Variants in USP15 observed in about 807,000 individuals in gnomAD.
The protein encoded by USP15 is ubiquitin specific peptidase 15, also known as ubiquitin carboxyl-terminal hydrolase 15.
USP15 carries 18 observed loss-of-function variants against 127.1 expected under a neutral mutation model. The observed-to-expected ratio is 0.14, with a 90% CI of 0.10 to 0.21. USP15 has a LOEUF of 0.21. Ranked by LOEUF, USP15 falls within the 10% of genes least tolerant of loss-of-function variation. USP15 has a pLI of 1.00. For missense variants in USP15, 805 were observed against 1,159.9 expected (o/e 0.69, Z 4.44); for synonymous variants, 364 against 393.7 (o/e 0.92, Z 0.89).
At chr12:62,317,765 C>T (rs1383227857) in intron 4 of USP15, among the ~76,000 whole-genome samples, 3 of 152,146 alleles carry the variant, frequency 2.0e-5, no homozygotes, top group Non-Finnish European at 4.4e-5. Context: ...ACTACCTACA[C>T]TGATATATAG....
intron 1 of USP15, among the ~76,000 whole-genome samples, chr12:62,273,539 G>A (rs534590220): frequency 6.6e-6 from 1 of 152,154 alleles, no homozygotes; most frequent in East Asian, 1.9e-4. Flanking sequence ...GTTTGGTGTG[G>A]TGCTTTTTCT....
At chr12:62,349,918 T>C (rs1057349060) in intron 7 of USP15, among the ~76,000 whole-genome samples, 3 of 151,978 alleles carry the variant, frequency 2.0e-5, no homozygotes, top group African/African-American at 7.2e-5. Context: ...CCTTGAACAT[T>C]GACATGTTTT....
At chr12:62,297,920 A>T (rs1409330746) in intron 2 of USP15, among the ~76,000 whole-genome samples, 1 of 152,206 alleles carries the variant, frequency 6.6e-6, no homozygotes, top group Non-Finnish European at 1.5e-5. Context: ...CAACTTAACA[A>T]AACAAGAAAA....
intron 8 of USP15, among the ~76,000 whole-genome samples, chr12:62,363,552 C>A (rs761780034): frequency 1.3e-5 from 2 of 152,122 alleles, no homozygotes; most frequent in Non-Finnish European, 2.9e-5. Context: ...TCTTCAGTCA[C>A]CCTGTAAAAA....
intron 1 of USP15, among the ~76,000 whole-genome samples, chr12:62,282,763 A>G (rs533130742): frequency 6.6e-6 from 1 of 152,274 alleles, no homozygotes; most frequent in South Asian, 2.1e-4. Context: ...TGAGAGTACC[A>G]CAGTTGACAG....
At chr12:62,281,744 A>G (rs1414243441) in intron 1 of USP15, among the ~76,000 whole-genome samples, 1 of 152,216 alleles carries the variant, frequency 6.6e-6, no homozygotes, top group African/African-American at 2.4e-5. Context: ...TAGTATTGAA[A>G]GCAATTAAAT....
chr12:62,317,841 C>T (rs2064875060), intron 4 of USP15, among the ~76,000 whole-genome samples: 1 of 152,146 alleles, frequency 6.6e-6, no homozygotes, highest in African/African-American at 2.4e-5. Context: ...AATCTTCTGC[C>T]TTCAAATGTT....
chr12:62,404,277 G>C lies in USP15; in HGVS notation c.2848G>C (p.Gly950Arg). 1.2e-6 allele frequency: 2 copies of C among 1,613,258 alleles called. No homozygotes were observed. Among genetic ancestry groups the C allele is most frequent in the Non-Finnish European group, 1.7e-6 (2 of 1,179,420 alleles). Residue 950 changes from glycine (G) to arginine (R), a missense_variant, in exon 22 of 22, where the codon GGT (glycine) becomes CGT (arginine). By Grantham distance (125) the Gly-to-Arg change is moderately radical (BLOSUM62 -2). This residue lies in a region of USP15 where 116 missense variants were observed against 157.2 expected (regional missense o/e 0.74). Transcript: ENST00000280377. ...TTTTCCTCTTGACCGAGAAACTAAA[G>C]GTGCTTCAGCTGCCACTGGCATCCC... ...GFFPLDRETKGASAATGIPLE... is the reference protein window; with the variant it reads ...GFFPLDRETKRASAATGIPLE...
chr12:62,345,329 G>C (rs1314249198), intron 6 of USP15, among the ~76,000 whole-genome samples: 1 of 92,196 alleles, frequency 1.1e-5, no homozygotes, highest in Non-Finnish European at 2.3e-5. Flanking sequence ...AACATAACAA[G>C]AGTCACCCTT....
intron 6 of USP15, among the ~76,000 whole-genome samples, chr12:62,330,282 C>A (rs2065250838): frequency 1.3e-5 from 2 of 151,218 alleles, no homozygotes; most frequent in African/African-American, 4.9e-5. Context: ...CTGGATGAAG[C>A]CTGGCTTGAA....
chr12:62,301,012 T>C (rs2064301337), intron 2 of USP15, among the ~76,000 whole-genome samples: 1 of 152,140 alleles, frequency 6.6e-6, no homozygotes, highest in South Asian at 2.1e-4. Flanking sequence ...ATATACAGTT[T>C]ATAAAACTCA....
At position 62,389,807 on chromosome 12, in the gene USP15, A is replaced by G; in HGVS notation, c.1663A>G (p.Asn555Asp). The G allele has an allele frequency of 6.2e-7, 1 of 1,609,128 alleles. No homozygotes were observed. The highest frequency in any genetic ancestry group is 8.5e-7 in the Non-Finnish European group (1 of 1,177,458). ...GTTTTGTCCTTGTAGGTTTGAAATT[A>G]ACATCAATAGGACAGAAGATACAGA... is the stretch of plus-strand genomic sequence containing the variant. ...ERDDIYVFEI[N>D]INRTEDTEHV... The change falls in exon 14 of 22, where the codon AAC (asparagine) becomes GAC (aspartate). Residue 555 changes from asparagine to aspartate, a missense_variant. Transcript: ENST00000280377.
At position 62,410,568 on chromosome 12, in the gene USP15, TC is replaced by T. The variant is rs2068014617; in HGVS notation, c.*6194del. The T allele has an allele frequency of 6.6e-6, 1 of 152,106 alleles. No individual in the cohort carries two copies. Among genetic ancestry groups the T allele is most frequent in the Admixed American group, 6.6e-5 (1 of 15,260 alleles). The allele number at this position is 152,106 out of a possible 1,614,324, so 9.4% of individuals were successfully genotyped here. On this transcript the variant is annotated 3_prime_UTR_variant, in exon 22 of 22. Coordinates refer to ENST00000280377, the MANE Select transcript of USP15 (RefSeq NM_001252078.2). The stretch of plus-strand genomic sequence containing the variant: ...ATACTGCAAATTCAAACAGTAAACA[TC>T]ATTAATCCTAGATATTTGGGTACTA...
chr12:62,391,439 T>C lies in USP15; in HGVS notation c.2233+10T>C, dbSNP rs2067321622. The C allele has an allele frequency of 1.9e-6, 3 of 1,588,968 alleles. No homozygotes were observed. Among genetic ancestry groups the C allele is most frequent in the Non-Finnish European group, 1.7e-6 (2 of 1,172,890 alleles). On this transcript the variant is annotated intron_variant, in intron 16 of 21. Transcript: ENST00000280377. Reference sequence around the variant, plus strand: ...CAGCTTAGGCTAGATGGTAAGTATTTGTGAAAAATGGCTTGAACATTAAAC... The same window carrying C: ...CAGCTTAGGCTAGATGGTAAGTATTCGTGAAAAATGGCTTGAACATTAAAC...
intron 2 of USP15, among the ~76,000 whole-genome samples, chr12:62,300,634 G>A (rs946094264): frequency 6.6e-6 from 1 of 152,084 alleles, no homozygotes; most frequent in African/African-American, 2.4e-5. Flanking sequence ...TTTAGAAAAA[G>A]GTAAAAGAGG....
chr12:62,274,586 A>T (rs1047645453), intron 1 of USP15, among the ~76,000 whole-genome samples: 1 of 152,052 alleles, frequency 6.6e-6, no homozygotes, highest in Non-Finnish European at 1.5e-5. Flanking sequence ...TTGAGGTTAC[A>T]GTGAGCTATG....
intron 3 of USP15, among the ~76,000 whole-genome samples, chr12:62,310,941 T>G (rs894360838): frequency 2.0e-5 from 3 of 152,038 alleles, no homozygotes; most frequent in Non-Finnish European, 4.4e-5. Context: ...TAAGGTGATA[T>G]CTCATTGTGG....
chr12:62,396,375 A>G lies in USP15; in HGVS notation c.2651A>G (p.Tyr884Cys), dbSNP rs2067491751. The G allele has an allele frequency of 3.7e-6, 6 of 1,613,288 alleles. No homozygotes were observed. Among genetic ancestry groups the G allele is most frequent in the Non-Finnish European group, 5.1e-6 (6 of 1,179,568 alleles). ...RYNLIAVSNH[Y>C]GGMGGGHYTA... Reference sequence around the variant, plus strand: ...AATCTGATTGCTGTTTCCAACCACTATGGAGGGATGGGAGGAGGACACTGT... The same window carrying G: ...AATCTGATTGCTGTTTCCAACCACTGTGGAGGGATGGGAGGAGGACACTGT... The change falls in exon 20 of 22, where the codon TAT becomes TGT. Residue 884 changes from tyrosine (Y) to cysteine (C), a missense_variant. Transcript: ENST00000280377.
chr12:62,305,654 TTAA>T (rs777171313), intron 3 of USP15: 1 of 152,176 alleles, frequency 6.6e-6, no homozygotes, highest in African/African-American at 2.4e-5. Flanking sequence ...GTTGAAAACA[TTAA>T]TAATAATTTT....
Sources: gnomAD v4.1 joint callset for allele counts (sites outside exome capture counted in the v4.1 genomes callset) on GRCh38, gnomAD v4.1.1 for gene constraint, gnomAD v4.1.1 regional missense constraint, MANE v1.5 for transcripts, NCBI Gene and HGNC (gene_info 2026-07-23, HGNC 2026-07-21) for gene names.